Variants in FAM227A observed in about 807,000 individuals in gnomAD.
FAM227A encodes family with sequence similarity 227 member A, also known as protein FAM227A.
Under a neutral mutation model 74.7 loss-of-function variants are expected in FAM227A, and 80 were observed. The ratio of observed to expected loss-of-function variants is 1.07; its 90% CI spans 0.89 to 1.29. FAM227A has a LOEUF of 1.29. Ranked by LOEUF, FAM227A falls within the 50% of genes most tolerant of loss-of-function variation. The pLI is 0.00. For synonymous variants in FAM227A, 237 were observed against 241.8 expected, an observed-to-expected ratio of 0.98 and a Z score of 0.19; for missense variants, 654 against 683.4, an observed-to-expected ratio of 0.96 and a Z score of 0.48.
chr22:38,644,750 G>A (rs2092196572), intron 3 of FAM227A, among the ~76,000 whole-genome samples: 1 of 152,198 alleles, frequency 6.6e-6, no homozygotes, highest in South Asian at 2.1e-4. Flanking sequence ...TGAAAAAAGT[G>A]TACTCTCTGC....
intron 11 of FAM227A, among the ~76,000 whole-genome samples, chr22:38,612,779 G>A (rs914415441): frequency 1.3e-5 from 2 of 151,774 alleles, no homozygotes; most frequent in Non-Finnish European, 2.9e-5. Flanking sequence ...TTAACATCCA[G>A]TCCTCAGTCA....
chr22:38,604,102 G>A (rs942927783), intron 13 of FAM227A, among the ~76,000 whole-genome samples: 11 of 152,052 alleles, frequency 7.2e-5, no homozygotes, highest in African/African-American at 1.9e-4. Flanking sequence ...CGAAGGGGGC[G>A]GATCACCTGA....
At chr22:38,591,721 C>T (rs2146148165) in intron 15 of FAM227A, among the ~76,000 whole-genome samples, 181 bp from the exon 16 acceptor site, 1 of 152,250 alleles carries the variant, frequency 6.6e-6, no homozygotes, top group South Asian at 2.1e-4. Flanking sequence ...TTTTCATATA[C>T]TGAGCACGCC....
intron 13 of FAM227A, among the ~76,000 whole-genome samples, chr22:38,600,393 G>T (rs933303239): frequency 5.9e-5 from 9 of 151,608 alleles, no homozygotes; most frequent in Non-Finnish European, 1.2e-4. Context: ...GAGTGCAGTG[G>T]CACAATCTCA....
chr22:38,628,028 TG>T (rs2091844847), intron 8 of FAM227A, among the ~76,000 whole-genome samples: 1 of 151,642 alleles, frequency 6.6e-6, no homozygotes, highest in Non-Finnish European at 1.5e-5. Flanking sequence ...CAAATTGCTT[TG>T]TTTTTCACTT....
intron 15 of FAM227A, among the ~76,000 whole-genome samples, chr22:38,595,105 TATAAAA>T (rs2091015959): frequency 6.6e-6 from 1 of 152,124 alleles, no homozygotes; most frequent in Non-Finnish European, 1.5e-5. Flanking sequence ...TCAAAAAATA[TATAAAA>T]ATAAAAATAA....
At chr22:38,643,777 C>A (rs1027800310) in intron 3 of FAM227A, among the ~76,000 whole-genome samples, 2 of 152,064 alleles carry the variant, frequency 1.3e-5, no homozygotes, top group African/African-American at 4.8e-5. Context: ...GACAAATAAA[C>A]CATGGTACGT....
At chr22:38,635,228 CAAAAAAAAAA>C (rs34498896) in intron 6 of FAM227A, among the ~76,000 whole-genome samples, 1 of 67,438 alleles carries the variant, frequency 1.5e-5, no homozygotes, top group African/African-American at 5.4e-5. Flanking sequence ...GACTCTGTCT[CAAAAAAAAAA>C]AAAAAAAAAA....
intron 8 of FAM227A, among the ~76,000 whole-genome samples, chr22:38,627,100 CAAAG>C (rs1187306905): frequency 3.3e-5 from 5 of 150,472 alleles, no homozygotes; most frequent in Non-Finnish European, 5.9e-5. Flanking sequence ...GAAAAGAAAA[CAAAG>C]AAAGTCCTTC....
At chr22:38,588,836 G>C (rs2090868244) in intron 16 of FAM227A, among the ~76,000 whole-genome samples, 2 of 149,768 alleles carry the variant, frequency 1.3e-5, no homozygotes, top group Admixed American at 1.3e-4. Context: ...GCTGAGGCAG[G>C]AGAATGGCAT....
intron 11 of FAM227A, among the ~76,000 whole-genome samples, chr22:38,611,818 A>G (rs1397000310): frequency 6.6e-6 from 1 of 152,182 alleles, no homozygotes; most frequent in Non-Finnish European, 1.5e-5. Flanking sequence ...CCAGTCTTGT[A>G]TATTTACCCA....
At chr22:38,626,865 CAAAAAAA>C (rs67498232) in intron 8 of FAM227A, among the ~76,000 whole-genome samples, 1 of 16,800 alleles carries the variant, frequency 6.0e-5, no homozygotes, top group Admixed American at 1.2e-3. Context: ...GACTCTGTCT[CAAAAAAA>C]AAAAAAAAAA....
intron 14 of FAM227A, among the ~76,000 whole-genome samples, chr22:38,598,371 TAAG>T (rs1260514137): frequency 6.6e-6 from 1 of 152,194 alleles, no homozygotes; most frequent in Non-Finnish European, 1.5e-5. Flanking sequence ...GCTGTGCACA[TAAG>T]ATCTCAAAGC....
chr22:38,640,660 C>T (rs560511534), intron 3 of FAM227A, among the ~76,000 whole-genome samples: 16 of 152,272 alleles, frequency 1.1e-4, no homozygotes, highest in African/African-American at 3.9e-4. Context: ...TTTGGAGAGC[C>T]AAATCAGCAC....
At chr22:38,606,041 A>G (rs1228012070) in intron 12 of FAM227A, among the ~76,000 whole-genome samples, 1 of 152,188 alleles carries the variant, frequency 6.6e-6, no homozygotes, top group African/African-American at 2.4e-5. Flanking sequence ...AAAATTGCTA[A>G]CATACCTCTC....
At chr22:38,640,298 G>T (rs1376080515) in intron 3 of FAM227A, among the ~76,000 whole-genome samples, 1 of 152,150 alleles carries the variant, frequency 6.6e-6, no homozygotes, top group Non-Finnish European at 1.5e-5. Context: ...CTCCCAAAGT[G>T]CTGGGATTAC....
intron 10 of FAM227A, among the ~76,000 whole-genome samples, chr22:38,622,316 T>C (rs889986658): frequency 1.3e-5 from 2 of 152,218 alleles, no homozygotes; most frequent in Non-Finnish European, 2.9e-5. Flanking sequence ...CCTTGAATTC[T>C]TGAATTCCTT....
chr22:38,645,676 G>A (rs1374970267), intron 2 of FAM227A, 31 bp from the exon 3 acceptor site: 1 of 1,433,308 alleles, frequency 7.0e-7, no homozygotes, highest in Non-Finnish European at 9.6e-7. Context: ...GGAAACTCAG[G>A]GTGATGATTA....
chr22:38,643,895 C>A (rs2092169997), intron 3 of FAM227A, among the ~76,000 whole-genome samples: 1 of 152,130 alleles, frequency 6.6e-6, no homozygotes, highest in Admixed American at 6.5e-5. Context: ...CGCCTGTAAT[C>A]CCAGCACTTT....
Sources: allele counts gnomAD v4.1 joint callset (sites outside exome capture counted in the v4.1 genomes callset), GRCh38; gene constraint gnomAD v4.1.1; transcripts MANE v1.5; gene names NCBI Gene and HGNC (gene_info 2026-07-23, HGNC 2026-07-21).